Variants in PIP5K1B observed in about 807,000 individuals in gnomAD.
PIP5K1B encodes the protein phosphatidylinositol 4-phosphate 5-kinase type-1 beta.
Under a neutral mutation model 67.0 loss-of-function variants are expected in PIP5K1B, and 42 were observed. That is an observed-to-expected ratio of 0.63 (90% CI 0.49 to 0.81). The LOEUF is 0.81. Among genes scored for constraint, PIP5K1B ranks in the 30% least tolerant of loss-of-function variants. The probability of loss-of-function intolerance (pLI) is 0.00; values close to 1 mark genes in which losing one functional copy is unlikely to be tolerated. For synonymous variants in PIP5K1B, 214 were observed against 231.4 expected (o/e 0.92, Z 0.68); for missense variants, 459 against 646.3 (o/e 0.71, Z 3.14).
At chr9:68,918,199 C>T (rs941775870) in intron 9 of PIP5K1B, among the ~76,000 whole-genome samples, 2 of 151,544 alleles carry the variant, frequency 1.3e-5, no homozygotes, top group Non-Finnish European at 2.9e-5. Flanking sequence ...AAGCGATTCT[C>T]CTGCCTCAGC....
intron 4 of PIP5K1B, among the ~76,000 whole-genome samples, chr9:68,835,480 T>C (rs1834553965): frequency 2.0e-5 from 3 of 152,228 alleles, no homozygotes; most frequent in African/African-American, 7.2e-5. Flanking sequence ...TAATTGGCTG[T>C]ACAAATATCA....
intron 14 of PIP5K1B, among the ~76,000 whole-genome samples, chr9:68,981,559 G>A (rs1002838296): frequency 1.3e-5 from 2 of 152,112 alleles, no homozygotes; most frequent in African/African-American, 2.4e-5. Context: ...TTATTACTTC[G>A]ATTAAAACAA....
chr9:68,928,359 A>G (rs1484014175), intron 12 of PIP5K1B, among the ~76,000 whole-genome samples: 1 of 152,200 alleles, frequency 6.6e-6, no homozygotes, highest in African/African-American at 2.4e-5. Context: ...TAGTTTGATA[A>G]AGATAGTGTT....
At chr9:68,936,138 C>T (rs1478699466) in intron 13 of PIP5K1B, among the ~76,000 whole-genome samples, 2 of 151,882 alleles carry the variant, frequency 1.3e-5, no homozygotes, top group African/African-American at 2.4e-5. Context: ...AGTTTTCTGG[C>T]CATTTGTTGC....
chr9:68,774,153 G>A (rs1423139836), intron 2 of PIP5K1B, among the ~76,000 whole-genome samples: 3 of 152,142 alleles, frequency 2.0e-5, no homozygotes, highest in Non-Finnish European at 4.4e-5. Flanking sequence ...TTTCTTAGAA[G>A]TAACTAACTT....
chr9:68,919,447 A>G (rs1226195971), intron 9 of PIP5K1B, 32 bp from the exon 10 acceptor site: 2 of 1,072,766 alleles, frequency 1.9e-6, no homozygotes, highest in East Asian at 4.8e-5. Flanking sequence ...ATAATATGTA[A>G]TCAAATATTT....
At chr9:68,851,669 G>T (rs1444369058) in intron 4 of PIP5K1B, among the ~76,000 whole-genome samples, 1 of 152,196 alleles carries the variant, frequency 6.6e-6, no homozygotes, top group African/African-American at 2.4e-5. Context: ...GAAAAGGACA[G>T]CATGGAAAGC....
In PIP5K1B at chr9:68,917,587, T is replaced by C. The variant is rs1826163889; in HGVS notation, c.811T>C (p.Leu271=). The C allele has an allele frequency of 6.2e-7, 1 of 1,613,998 alleles. No individual in the cohort carries two copies. Among genetic ancestry groups the C allele is most frequent in the Non-Finnish European group, 8.5e-7 (1 of 1,179,908 alleles). ...SFKIMDYSLL[L]GIHFLDHSLK... is the part of the protein sequence containing the mutation. ...CAAGATCATGGATTATAGCCTTCTG[T>C]TGGGAATTCATTTCCTGGACCATTC... is the stretch of plus-strand genomic sequence containing the variant. Residue 271 remains leucine, a synonymous_variant, in exon 9 of 16, where the codon TTG becomes CTG. Coordinates refer to ENST00000265382, the MANE Select transcript of PIP5K1B (RefSeq NM_003558.4).
At chr9:68,809,139 G>T (rs1833025932) in intron 2 of PIP5K1B, among the ~76,000 whole-genome samples, 1 of 152,054 alleles carries the variant, frequency 6.6e-6, no homozygotes, top group Non-Finnish European at 1.5e-5. Context: ...CTTAATATAA[G>T]AATTTTTTCT....
At chr9:68,738,446 A>G (rs1429883814) in intron 1 of PIP5K1B, among the ~76,000 whole-genome samples, 3 of 152,212 alleles carry the variant, frequency 2.0e-5, no homozygotes, top group Non-Finnish European at 4.4e-5. Flanking sequence ...GCATGCTATA[A>G]TAAAGAATTG....
At chr9:68,725,880 A>G (rs769355802) in intron 1 of PIP5K1B, among the ~76,000 whole-genome samples, 8 of 152,210 alleles carry the variant, frequency 5.3e-5, no homozygotes, top group South Asian at 2.1e-4. Context: ...TTTAGTTTGT[A>G]TGGTATGTGG....
At chr9:68,991,062 C>A in intron 14 of PIP5K1B, 78 bp from the exon 15 acceptor site, 1 of 812,840 alleles carries the variant, frequency 1.2e-6, no homozygotes, top group Non-Finnish European at 2.2e-6. Context: ...GCCCACCTCA[C>A]CCTCTTTAGG....
intron 1 of PIP5K1B, among the ~76,000 whole-genome samples, chr9:68,713,850 G>A (rs570976939): frequency 1.3e-5 from 2 of 152,126 alleles, no homozygotes; most frequent in Non-Finnish European, 2.9e-5. Context: ...TCTGTTCCAG[G>A]CACTCCTCAA....
Position 68,863,890 on chromosome 9 carries a change from G to A in PIP5K1B, c.123G>A (p.Val41=), listed in dbSNP as rs757207169. Residue 41 remains valine, a synonymous_variant, in exon 5 of 16, where the codon GTG becomes GTA. Transcript: ENST00000265382. ...TTCAGCTGGGAATAGGATACACAGT[G>A]GGTAATCTCACTTCCAAGCCAGAAC... ...GAIQLGIGYT[V]GNLTSKPERD... is the part of the protein sequence containing the mutation. 3 of 1,613,376 alleles carry A rather than the reference G, an allele frequency of 1.9e-6. No homozygotes were observed. Among genetic ancestry groups the A allele is most frequent in the Non-Finnish European group, 2.5e-6 (3 of 1,179,336 alleles).
At chr9:68,781,023 A>G in intron 2 of PIP5K1B, 1 of 1,612,232 alleles carries the variant, frequency 6.2e-7, no homozygotes, top group East Asian at 2.2e-5. Context: ...ACTTTCGTCT[A>G]AGTGATTCAC....
chr9:68,726,095 A>G (rs1331071924), intron 1 of PIP5K1B, among the ~76,000 whole-genome samples: 1 of 152,198 alleles, frequency 6.6e-6, no homozygotes, highest in Admixed American at 6.5e-5. Flanking sequence ...ATCTTATTTA[A>G]TAATAGAAGT....
At chr9:68,873,782 C>G (rs1323560642) in intron 5 of PIP5K1B, among the ~76,000 whole-genome samples, 1 of 152,148 alleles carries the variant, frequency 6.6e-6, no homozygotes, top group Non-Finnish European at 1.5e-5. Context: ...AGGTTCTGTA[C>G]TGGGCCTCGT....
intron 2 of PIP5K1B, among the ~76,000 whole-genome samples, chr9:68,774,105 T>TA (rs1393193690): frequency 6.6e-6 from 1 of 152,006 alleles, no homozygotes; most frequent in Non-Finnish European, 1.5e-5. Context: ...GTTGAGAAAA[T>TA]AAAAGGCAAT....
At chr9:68,738,240 T>C (rs553371454) in intron 1 of PIP5K1B, among the ~76,000 whole-genome samples, 1 of 152,322 alleles carries the variant, frequency 6.6e-6, no homozygotes, top group Non-Finnish European at 1.5e-5. Context: ...CTAGGTACAT[T>C]TAACAGAAAT....
Sources: gnomAD v4.1 joint callset for allele counts (sites outside exome capture counted in the v4.1 genomes callset) on GRCh38, gnomAD v4.1.1 for gene constraint, MANE v1.5 for transcripts, NCBI Gene and HGNC (gene_info 2026-07-23, HGNC 2026-07-21) for gene names.